The following ITPR3 variants were observed in gnomAD, a reference collection of about 807,000 sequenced individuals.
ITPR3 encodes the protein inositol 1,4,5-trisphosphate receptor type 3, also known as inositol 1,4,5-trisphosphate-gated calcium channel ITPR3.
In ITPR3, 173 loss-of-function variants were observed where a neutral mutation model predicts 293.2. That is an observed-to-expected ratio of 0.59 (90% CI 0.52 to 0.67). The LOEUF (loss-of-function observed/expected upper bound fraction) is 0.67. Among genes scored for constraint, ITPR3 ranks in the 30% least tolerant of loss-of-function variants. The pLI is 0.00. For missense variants in ITPR3, 2,796 were observed against 3,592.1 expected (o/e 0.78, Z 5.66); for synonymous variants, 1,295 against 1,444.4 (o/e 0.90, Z 2.35).
chr6:33,639,009 G>A (rs976080171), intron 1 of ITPR3, among the ~76,000 whole-genome samples: 4 of 152,208 alleles, frequency 2.6e-5, no homozygotes, highest in Non-Finnish European at 5.9e-5. Context: ...GGGACCTTGG[G>A]ATCAACTGGA....
intron 48 of ITPR3, 86 bp downstream of exon 48, chr6:33,688,517 G>T: frequency 6.7e-7 from 1 of 1,501,766 alleles, no homozygotes; most frequent in African/African-American, 1.4e-5. Flanking sequence ...CTGCCTGTGG[G>T]TGCCCTGCGC....
In ITPR3 at chr6:33,638,731, A is replaced by G. The variant is rs1271736234; in HGVS notation, c.90-1753A>G. Among the ~76,000 whole-genome samples, 1 of 152,266 alleles carries G rather than the reference A, an allele frequency of 6.6e-6. No homozygotes were observed. The highest frequency in any genetic ancestry group is 1.5e-5 in the Non-Finnish European group (1 of 68,052). ...GCAAGGTGTTAATCATTACAAAGAA[A>G]ACACACAGGGGCTCCGTTCTCAAGG... On this transcript the variant is annotated intron_variant, in intron 1 of 57. Transcript: ENST00000605930. The surrounding 1 kb of genome is among the most constrained non-coding windows in gnomAD (Gnocchi z 4.3).
Position 33,659,132 on chromosome 6 carries a change from G to A in ITPR3, c.627+13G>A. ...CGGCTGCAAGGAGGTGAGGGGGTGG[G>A]GGGTCAGCCATGCAGTGCAGGGACG... On this transcript the variant is annotated intron_variant, in intron 6 of 57. Coordinates refer to ENST00000605930, the MANE Select transcript of ITPR3 (RefSeq NM_002224.4). 2 of 1,612,446 alleles carry A rather than the reference G, an allele frequency of 1.2e-6. No homozygotes were observed. The highest frequency in any genetic ancestry group is 1.7e-6 in the Non-Finnish European group (2 of 1,179,004).
At chr6:33,623,492 A>G (rs373768470) in intron 1 of ITPR3, among the ~76,000 whole-genome samples, 26 of 151,650 alleles carry the variant, frequency 1.7e-4, no homozygotes, top group African/African-American at 5.3e-4. Flanking sequence ...CACCCGGCTA[A>G]TTTTTGTATT....
rs1361900138 is a variant in ITPR3 at position 33,680,695 on chromosome 6, TC to T, written c.4476+18del. Reference sequence around the variant, plus strand: ...CTTCCCTGCAGGTGAGCTTCTCCTCTCCCACCACCCCAGGGCCGACTTGCCT... The same window carrying T: ...CTTCCCTGCAGGTGAGCTTCTCCTCTCCACCACCCCAGGGCCGACTTGCCT... On this transcript the variant is annotated intron_variant, in intron 33 of 57. Coordinates refer to ENST00000605930, the MANE Select transcript of ITPR3 (RefSeq NM_002224.4). 1 of 1,607,118 alleles carries T rather than the reference TC, an allele frequency of 6.2e-7. No homozygotes were observed. The highest frequency in any genetic ancestry group is 2.2e-5 in the East Asian group (1 of 44,662).
rs114302896 is a variant in ITPR3, at chr6:33,679,222, A to G, written c.3972+383A>G. ...GTGTCAGCTCCTGGGGGGCACGGGCAGGGACCCCATCCTTTGTGTGCATCG... is the reference window on the plus strand; with the variant it reads ...GTGTCAGCTCCTGGGGGGCACGGGCGGGGACCCCATCCTTTGTGTGCATCG... On this transcript the variant is annotated intron_variant, in intron 30 of 57. Coordinates refer to ENST00000605930, the MANE Select transcript of ITPR3 (RefSeq NM_002224.4). The surrounding 1 kb of genome is among the most constrained non-coding windows in gnomAD (Gnocchi z 4.2). Among the ~76,000 whole-genome samples the G allele has an allele frequency of 1.3e-3, 204 of 152,280 alleles. No individual in the cohort carries two copies. Among genetic ancestry groups the G allele is most frequent in the African/African-American group, 4.5e-3 (189 of 41,566 alleles).
In ITPR3 at chr6:33,675,790, G is replaced by C; in HGVS notation, c.3216G>C (p.Ser1072=). The part of the protein sequence containing the change: ...LTMHDYAPLV[S]GALQLLFKHF... The stretch of plus-strand genomic sequence containing the variant: ...TGCACGACTATGCGCCGCTGGTCTC[G>C]GGTGCCCTGCAGCTGCTCTTCAAGC... The change falls in exon 25 of 58, where the codon TCG becomes TCC. Residue 1072 remains serine, a synonymous_variant. Transcript: ENST00000605930. The surrounding 1 kb of genome is among the most constrained non-coding windows in gnomAD (Gnocchi z 5.0). The C allele has an allele frequency of 6.2e-7, 1 of 1,608,650 alleles. No individual in the cohort carries two copies. Among genetic ancestry groups the C allele is most frequent in the Non-Finnish European group, 8.5e-7 (1 of 1,177,884 alleles).
intron 30 of ITPR3, 121 bp downstream of exon 30, chr6:33,678,960 G>A: frequency 2.0e-6 from 2 of 1,002,442 alleles, no homozygotes; most frequent in Non-Finnish European, 3.0e-6. Flanking sequence ...ACACTCAGCT[G>A]CTGACCATGG....
rs987339789 is a variant in ITPR3 at position 33,666,306 on chromosome 6, A to AAAT, written c.1551+331_1551+332insATA. ...CTGTGCTTCAAAAAATTTTTTTAAA[A>AAAT]ATTTTTTTATTATGAGAATCATCAA... is the stretch of plus-strand genomic sequence containing the variant. On this transcript the variant is annotated intron_variant, in intron 14 of 57. Transcript: ENST00000605930. This position sits in a 1 kb window ranked among gnomAD's most constrained non-coding sequence, Gnocchi z 5.1. 2.6e-5 allele frequency among the ~76,000 whole-genome samples: 4 copies of AAAT among 152,174 alleles called. No individual in the cohort carries two copies. The highest frequency in any genetic ancestry group is 9.7e-5 in the African/African-American group (4 of 41,426).
rs1176722536 is a variant in ITPR3, at chr6:33,682,238, C to A, written c.4477-286C>A. Among the ~76,000 whole-genome samples the A allele has an allele frequency of 6.6e-6, 1 of 152,212 alleles. No individual in the cohort carries two copies. The highest frequency in any genetic ancestry group is 1.5e-5 in the Non-Finnish European group (1 of 68,042). On this transcript the variant is annotated intron_variant, in intron 33 of 57. Transcript: ENST00000605930. The surrounding 1 kb of genome is among the most constrained non-coding windows in gnomAD (Gnocchi z 5.4). The stretch of plus-strand genomic sequence containing the variant: ...TTTTTCAACCATGTAAATCCATCAC[C>A]TTTTTATGACATTAATTTTTTTAAA...
Position 33,675,789 on chromosome 6 carries a change from C to T in ITPR3, c.3215C>T (p.Ser1072Leu), listed in dbSNP as rs778709976. ...ATGCACGACTATGCGCCGCTGGTCT[C>T]GGGTGCCCTGCAGCTGCTCTTCAAG... ...LTMHDYAPLV[S>L]GALQLLFKHF... The change falls in exon 25 of 58, where the codon TCG (serine) becomes TTG (leucine). Residue 1072 changes from serine to leucine, a missense_variant. Coordinates refer to ENST00000605930, the MANE Select transcript of ITPR3 (RefSeq NM_002224.4). The surrounding 1 kb of genome is among the most constrained non-coding windows in gnomAD (Gnocchi z 5.0). 28 of 1,609,204 alleles carry T rather than the reference C, an allele frequency of 1.7e-5. No homozygotes were observed. The highest frequency in any genetic ancestry group is 1.9e-5 in the Non-Finnish European group (22 of 1,178,162).
In ITPR3 at chr6:33,664,936, T is replaced by C; in HGVS notation, c.1215T>C (p.Ile405=). ...NTWIQSTNVP[I]DIEEERPIRL... is the part of the protein sequence containing the mutation. Reference sequence around the variant, plus strand: ...GGATTCAGAGCACCAATGTGCCCATTGACATCGAGGAGGAGCGGCCCATCC... The same window carrying C: ...GGATTCAGAGCACCAATGTGCCCATCGACATCGAGGAGGAGCGGCCCATCC... Residue 405 remains isoleucine, a synonymous_variant, in exon 12 of 58, where the codon ATT becomes ATC. Transcript: ENST00000605930. The surrounding 1 kb of genome is among the most constrained non-coding windows in gnomAD (Gnocchi z 4.4). 9 of 1,611,564 alleles carry C rather than the reference T, an allele frequency of 5.6e-6. No individual in the cohort carries two copies. The highest frequency in any genetic ancestry group is 7.6e-6 in the Non-Finnish European group (9 of 1,179,696).
At chr6:33,695,177 C>A in intron 57 of ITPR3, 92 bp downstream of exon 57, 1 of 1,407,204 alleles carries the variant, frequency 7.1e-7, no homozygotes, top group East Asian at 2.4e-5. Flanking sequence ...CCCTCTTCCC[C>A]ACTGGCCTCT....
At chr6:33,685,272 C>T (rs1489492280) in intron 39 of ITPR3, 87 bp from the exon 40 acceptor site, 2 of 1,334,020 alleles carry the variant, frequency 1.5e-6, no homozygotes, top group Non-Finnish European at 1.0e-6. Context: ...CCCCAGCGGC[C>T]CCAGCAGTGT....
chr6:33,649,543 A>G (rs1413349841), intron 2 of ITPR3, among the ~76,000 whole-genome samples: 2 of 152,232 alleles, frequency 1.3e-5, no homozygotes, highest in African/African-American at 2.4e-5. Flanking sequence ...TTTTTAAGTC[A>G]TCAAGACTGA....
At chr6:33,694,874 C>A in intron 56 of ITPR3, 50 bp from the exon 57 acceptor site, 1 of 1,612,464 alleles carries the variant, frequency 6.2e-7, no homozygotes, top group Non-Finnish European at 8.5e-7. Context: ...TAAATGAGGC[C>A]TTTCTAGGCC....
In ITPR3 at chr6:33,685,420, A is replaced by G; in HGVS notation, c.5369A>G (p.His1790Arg). 6.2e-7 allele frequency: 1 copy of G among 1,614,152 alleles called. No individual in the cohort carries two copies. Among genetic ancestry groups the G allele is most frequent in the Non-Finnish European group, 8.5e-7 (1 of 1,180,000 alleles). The change falls in exon 40 of 58, where the codon CAC (histidine) becomes CGC (arginine). Residue 1790 changes from histidine to arginine, a missense_variant. His to Arg is a conservative substitution (Grantham distance 29). Transcript: ENST00000605930. ...TCAGAGCGCTTCTTCAAGGTGCTGC[A>G]CGACCGCATGAAGCGGGCCCAGCAG... ...KKSERFFKVL[H>R]DRMKRAQQET... is the part of the protein sequence containing the mutation.
In ITPR3 at chr6:33,676,764, T is replaced by C; in HGVS notation, c.3283-4T>C. 3 of 1,614,022 alleles carry C rather than the reference T, an allele frequency of 1.9e-6. No individual in the cohort carries two copies. The highest frequency in any genetic ancestry group is 2.2e-5 in the South Asian group (2 of 91,074). ...CACCAGCCAGGCCCATCCTCCACCT[T>C]CAGGTTCAGCTGCTGATCTCAGCGC... is the stretch of plus-strand genomic sequence containing the variant. On this transcript the variant is annotated splice_region_variant and splice_polypyrimidine_tract_variant and intron_variant, in intron 25 of 57. Transcript: ENST00000605930.
Position 33,686,196 on chromosome 6 carries a change from C to T in ITPR3, c.5811C>T (p.Val1937=), listed in dbSNP as rs1450521821. The change falls in exon 42 of 58, where the codon GTC becomes GTT. Residue 1937 remains valine, a synonymous_variant. Coordinates refer to ENST00000605930, the MANE Select transcript of ITPR3 (RefSeq NM_002224.4). ...LYINEDNVGL[V]IQTLETLTEY... is the part of the protein sequence containing the mutation. The stretch of plus-strand genomic sequence containing the variant: ...TCAATGAGGACAACGTGGGCCTCGT[C>T]ATCCAGACCTTGGAGACCCTCACTG... 3 of 1,614,022 alleles carry T rather than the reference C, an allele frequency of 1.9e-6. No homozygotes were observed. Among genetic ancestry groups the T allele is most frequent in the Non-Finnish European group, 1.7e-6 (2 of 1,180,046 alleles).
Sources: gnomAD v4.1 joint callset for allele counts (sites outside exome capture counted in the v4.1 genomes callset) on GRCh38, gnomAD v4.1.1 for gene constraint, Gnocchi (gnomAD v3.1) non-coding constraint, MANE v1.5 for transcripts, NCBI Gene and HGNC (gene_info 2026-07-23, HGNC 2026-07-21) for gene names.